SLC36A2: variants seen among roughly 807,000 people sequenced by gnomAD.
SLC36A2 encodes the protein proton-coupled amino acid transporter 2.
Under a neutral mutation model 42.7 loss-of-function variants are expected in SLC36A2, and 39 were observed. The observed-to-expected ratio is 0.91, with a 90% CI of 0.71 to 1.19. The LOEUF (loss-of-function observed/expected upper bound fraction) is 1.19. Among genes scored for constraint, SLC36A2 ranks in the 50% most tolerant of loss-of-function variants. The pLI, the probability that SLC36A2 is intolerant of heterozygous loss-of-function variation, is 0.00. For synonymous variants in SLC36A2, 237 were observed against 240.8 expected, an observed-to-expected ratio of 0.98 and a Z score of 0.15; for missense variants, 590 against 613.7, an observed-to-expected ratio of 0.96 and a Z score of 0.41.
At chr5:151,324,446 C>T (rs1044710169) in intron 8 of SLC36A2, among the ~76,000 whole-genome samples, 42 of 152,102 alleles carry the variant, frequency 2.8e-4, no homozygotes, top group African/African-American at 9.4e-4. Context: ...GATTCTCCTG[C>T]CTCAGCCTCC....
In SLC36A2 at chr5:151,339,562, G is replaced by C. The variant is rs571603483; in HGVS notation, c.441-418C>G. On this transcript the variant is annotated intron_variant, in intron 4 of 9. Transcript: ENST00000335244. ...CGACCTCAGGTGATCCGCCTGCCTT[G>C]GCCTCCCAAAGTGCTGGGATTACAG... 1.2e-4 allele frequency among the ~76,000 whole-genome samples: 19 copies of C among 152,180 alleles called. 2 individuals are homozygous for C. In the South Asian group the frequency reaches 3.7e-3, roughly 30 times the overall value.
intron 7 of SLC36A2, among the ~76,000 whole-genome samples, chr5:151,330,486 C>G (rs1272589500): frequency 6.6e-6 from 1 of 152,140 alleles, no homozygotes; most frequent in African/African-American, 2.4e-5. Context: ...TAAAGACAAT[C>G]TCAGATCAAG....
At chr5:151,347,199 C>G in intron 1 of SLC36A2, 98 bp downstream of exon 1, 1 of 1,449,086 alleles carries the variant, frequency 6.9e-7, no homozygotes, top group South Asian at 1.1e-5. Flanking sequence ...CTCATCTGCA[C>G]AGTGGGTTGA....
chr5:151,320,862 G>C (rs1389064208), intron 9 of SLC36A2, among the ~76,000 whole-genome samples: 4 of 152,232 alleles, frequency 2.6e-5, no homozygotes, highest in Non-Finnish European at 5.9e-5. Flanking sequence ...AACAACACCT[G>C]TTGCCAAATT....
chr5:151,321,344 T>C (rs1445517474), intron 9 of SLC36A2, among the ~76,000 whole-genome samples: 5 of 125,852 alleles, frequency 4.0e-5, no homozygotes, highest in Admixed American at 1.5e-4. Context: ...TTCTTTTCTT[T>C]CTTTTTTTTT....
chr5:151,325,481 G>C (rs200100606), intron 7 of SLC36A2, 29 bp from the exon 8 acceptor site: 2 of 1,612,656 alleles, frequency 1.2e-6, no homozygotes, highest in Non-Finnish European at 1.7e-6. Flanking sequence ...GTAAGAAGGA[G>C]AAAGAGTAAC....
intron 7 of SLC36A2, chr5:151,332,660 G>A (rs1378899963): frequency 4.0e-6 from 1 of 250,736 alleles, no homozygotes; most frequent in Admixed American, 5.1e-5. Context: ...TTTTGGAAAA[G>A]AGAAGACAGT....
chr5:151,340,216 G>T (rs1049274444), intron 4 of SLC36A2, among the ~76,000 whole-genome samples: 1 of 136,572 alleles, frequency 7.3e-6, no homozygotes, highest in Non-Finnish European at 1.5e-5. Flanking sequence ...GGAGGAGGAG[G>T]GAGAGGAGGA....
intron 7 of SLC36A2, among the ~76,000 whole-genome samples, chr5:151,328,764 A>C (rs914748445): frequency 6.6e-6 from 1 of 152,208 alleles, no homozygotes; most frequent in African/African-American, 2.4e-5. Flanking sequence ...ATGAAAATGC[A>C]GGGTTCCTTG....
chr5:151,335,682 G>T, intron 5 of SLC36A2, 135 bp from the exon 6 acceptor site: 1 of 734,306 alleles, frequency 1.4e-6, no homozygotes, highest in South Asian at 1.5e-5. Flanking sequence ...CTCACGGTGA[G>T]TTAGGGTGAA....
At chr5:151,342,443 C>T (rs1241907785) in intron 4 of SLC36A2, among the ~76,000 whole-genome samples, 1 of 152,182 alleles carries the variant, frequency 6.6e-6, no homozygotes, top group African/African-American at 2.4e-5. Context: ...TCCTCTCCCC[C>T]AAGCCAACAC....
chr5:151,331,229 T>G (rs1755986938), intron 7 of SLC36A2, among the ~76,000 whole-genome samples: 1 of 152,210 alleles, frequency 6.6e-6, no homozygotes, highest in Admixed American at 6.5e-5. Flanking sequence ...GCTAAAACCA[T>G]AAAACTCTTA....
intron 7 of SLC36A2, among the ~76,000 whole-genome samples, chr5:151,332,939 G>T (rs972462068): frequency 6.6e-6 from 1 of 152,166 alleles, no homozygotes; most frequent in Non-Finnish European, 1.5e-5. Flanking sequence ...GGTTCTTCTT[G>T]ATTTTAAAAG....
In SLC36A2 at chr5:151,344,222, T is replaced by C. The variant is rs1756430218; in HGVS notation, c.210A>G (p.Thr70=). 23 of 1,614,056 alleles carry C rather than the reference T, an allele frequency of 1.4e-5. No homozygotes were observed. Among genetic ancestry groups the C allele is most frequent in the Non-Finnish European group, 1.8e-5 (21 of 1,180,026 alleles). The change falls in exon 2 of 10, where the codon ACA becomes ACG. Residue 70 remains threonine, a synonymous_variant. Transcript: ENST00000335244. ...CAGCGAGGGGTAGTCCCAGGATCCC[T>C]GTGCCCATGTTGCCTTTCACCAGGT... ...LIHLVKGNMG[T]GILGLPLAVK...
intron 2 of SLC36A2, 115 bp downstream of exon 2, chr5:151,344,062 C>G (rs1756424234): frequency 1.0e-6 from 1 of 959,098 alleles, no homozygotes; most frequent in African/African-American, 1.6e-5. Context: ...TAACCCCGCA[C>G]CAAGCTGTGT....
At chr5:151,346,048 G>A (rs931902486) in intron 1 of SLC36A2, among the ~76,000 whole-genome samples, 3 of 152,170 alleles carry the variant, frequency 2.0e-5, no homozygotes, top group African/African-American at 4.8e-5. Context: ...TACTCAGCCC[G>A]TTATTTGGCT....
At position 151,340,608 on chromosome 5, in the gene SLC36A2, G is replaced by A. The variant is rs114888389; in HGVS notation, c.441-1464C>T. 4.7e-3 allele frequency among the ~76,000 whole-genome samples: 719 copies of A among 152,288 alleles called. 5 individuals are homozygous for A. Among genetic ancestry groups the A allele is most frequent in the African/African-American group, 0.016 (681 of 41,540 alleles). ...CTAGAAAGGTAGGAGGGAAACTAGGGGGAAAGAGGTTTAATAGTAGCCAAG... is the reference window on the plus strand; with the variant it reads ...CTAGAAAGGTAGGAGGGAAACTAGGAGGAAAGAGGTTTAATAGTAGCCAAG... On this transcript the variant is annotated intron_variant, in intron 4 of 9. Coordinates refer to ENST00000335244, the MANE Select transcript of SLC36A2 (RefSeq NM_181776.3).
At chr5:151,327,836 G>C (rs1362228358) in intron 7 of SLC36A2, among the ~76,000 whole-genome samples, 1 of 152,178 alleles carries the variant, frequency 6.6e-6, no homozygotes, top group Non-Finnish European at 1.5e-5. Flanking sequence ...TGGATGGAGA[G>C]TCAGACGTAC....
chr5:151,345,872 T>G (rs1333783548), intron 1 of SLC36A2, among the ~76,000 whole-genome samples: 1 of 152,154 alleles, frequency 6.6e-6, no homozygotes, highest in East Asian at 1.9e-4. Flanking sequence ...AGCCAACACT[T>G]ACAGACACTG....
Sources: allele counts gnomAD v4.1 joint callset (sites outside exome capture counted in the v4.1 genomes callset), GRCh38; gene constraint gnomAD v4.1.1; transcripts MANE v1.5; gene names NCBI Gene and HGNC (gene_info 2026-07-23, HGNC 2026-07-21).